DIAPH3: variants seen among roughly 807,000 people sequenced by gnomAD.
DIAPH3 encodes the protein protein diaphanous homolog 3.
In DIAPH3, 117 loss-of-function variants were observed where a neutral mutation model predicts 144.3. The ratio of observed to expected loss-of-function variants is 0.81; its 90% CI spans 0.70 to 0.95. The LOEUF (loss-of-function observed/expected upper bound fraction) is 0.95. Ranked by LOEUF, DIAPH3 falls within the 40% of genes least tolerant of loss-of-function variation. The pLI is 0.00. For synonymous variants in DIAPH3, 519 were observed against 488.9 expected (o/e 1.06, Z -0.81); for missense variants, 1,421 against 1,412.7 (o/e 1.01, Z -0.09).
At chr13:59,774,038 C>T (rs560749890) in intron 27 of DIAPH3, 151 bp downstream of exon 27, 124 of 732,710 alleles carry the variant, frequency 1.7e-4, no homozygotes, top group Middle Eastern at 1.5e-3. Context: ...AATACGAGTA[C>T]GCAATCTCAT....
chr13:59,901,100 C>A (rs1274716060), intron 20 of DIAPH3, among the ~76,000 whole-genome samples: 7 of 152,224 alleles, frequency 4.6e-5, no homozygotes, highest in African/African-American at 1.4e-4. Flanking sequence ...CAGTCACTGG[C>A]TTTAATTATA....
chr13:60,012,138 T>G (rs1377869733), intron 7 of DIAPH3, among the ~76,000 whole-genome samples: 1 of 152,174 alleles, frequency 6.6e-6, no homozygotes, highest in East Asian at 1.9e-4. Context: ...ATAACCAGCT[T>G]AGACCCAAGT....
chr13:60,120,299 A>G (rs142264045), intron 2 of DIAPH3, among the ~76,000 whole-genome samples: 217 of 152,292 alleles, frequency 1.4e-3, no homozygotes, highest in African/African-American at 5.0e-3. Context: ...CAACCATTCA[A>G]TCTTTCAGGT....
At chr13:59,762,052 CTTTTTTTTTTTTTTTT>C (rs35387511) in intron 27 of DIAPH3, among the ~76,000 whole-genome samples, 1 of 59,490 alleles carries the variant, frequency 1.7e-5, no homozygotes, top group Admixed American at 2.5e-4. Flanking sequence ...GCGTCAGCAT[CTTTTTTTTTTTTTTTT>C]TTTTTTTTTT....
intron 17 of DIAPH3, among the ~76,000 whole-genome samples, chr13:59,947,376 C>T (rs1268272750): frequency 1.3e-5 from 2 of 152,136 alleles, no homozygotes; most frequent in Non-Finnish European, 2.9e-5. Context: ...TGGTCCACCG[C>T]CTGATTCTCT....
intron 27 of DIAPH3, among the ~76,000 whole-genome samples, chr13:59,737,125 C>T (rs995690092): frequency 5.3e-5 from 8 of 152,066 alleles, no homozygotes; most frequent in African/African-American, 1.9e-4. Context: ...CCAAAAGCAA[C>T]TGCAACAAAA....
chr13:60,033,992 G>T (rs2055001840), intron 5 of DIAPH3, among the ~76,000 whole-genome samples: 1 of 152,074 alleles, frequency 6.6e-6, no homozygotes, highest in African/African-American at 2.4e-5. Flanking sequence ...GGAATACCAA[G>T]ATAAACATCA....
At chr13:59,963,769 G>C (rs557898494) in intron 17 of DIAPH3, among the ~76,000 whole-genome samples, 1 of 152,128 alleles carries the variant, frequency 6.6e-6, no homozygotes, top group Non-Finnish European at 1.5e-5. Context: ...CATTGCCCAG[G>C]CTGGTCATGA....
chr13:59,871,714 C>T (rs1342993176), intron 21 of DIAPH3, among the ~76,000 whole-genome samples: 2 of 152,166 alleles, frequency 1.3e-5, no homozygotes, highest in African/African-American at 4.8e-5. Flanking sequence ...ATAGAATTTA[C>T]TGGTGAAACC....
intron 9 of DIAPH3, among the ~76,000 whole-genome samples, 184 bp from the exon 10 acceptor site, chr13:59,992,767 T>A (rs2051915480): frequency 1.3e-5 from 2 of 151,718 alleles, no homozygotes; most frequent in African/African-American, 4.8e-5. Context: ...CGTTTTTTAT[T>A]TCTCATTTAT....
chr13:59,863,748 G>T (rs112707628), intron 21 of DIAPH3, among the ~76,000 whole-genome samples: 1 of 152,080 alleles, frequency 6.6e-6, no homozygotes, highest in Admixed American at 6.6e-5. Flanking sequence ...TTGGTACCTT[G>T]TTTAAAAGAA....
intron 1 of DIAPH3, among the ~76,000 whole-genome samples, chr13:60,138,956 T>C (rs2059365639): frequency 6.6e-6 from 1 of 152,242 alleles, no homozygotes; most frequent in Non-Finnish European, 1.5e-5. Context: ...GTCCAGATTA[T>C]TCCTTTCCAA....
chr13:59,972,931 T>C (rs1295359909), intron 15 of DIAPH3, among the ~76,000 whole-genome samples: 8 of 152,128 alleles, frequency 5.3e-5, no homozygotes. Flanking sequence ...CAGCATAGCT[T>C]TGAACAAAAA....
rs1168896157 is a variant in DIAPH3 at position 59,776,167 on chromosome 13, C to T, written c.3164-1344G>A. ...ACAGAGATAAGATGAAAAGTGAATG[C>T]AGTAGAATACAAATAACATACTCAT... is the stretch of plus-strand genomic sequence containing the variant. On this transcript the variant is annotated intron_variant, in intron 25 of 27. Coordinates refer to ENST00000400324, the MANE Select transcript of DIAPH3 (RefSeq NM_001042517.2). Among the ~76,000 whole-genome samples, 6 of 152,190 alleles carry T rather than the reference C, an allele frequency of 3.9e-5. No homozygotes were observed. The East Asian group carries it at 1.2e-3, about 29-fold the overall frequency.
intron 9 of DIAPH3, 95 bp from the exon 10 acceptor site, chr13:59,992,678 A>G: frequency 2.1e-6 from 2 of 959,924 alleles, no homozygotes; most frequent in Non-Finnish European, 3.2e-6. Flanking sequence ...GCATTATTAA[A>G]TATCTTTCCT....
At position 59,879,415 on chromosome 13, in the gene DIAPH3, A is replaced by C; in HGVS notation, c.2421T>G (p.Leu807=). The change falls in exon 21 of 28, where the codon CTT becomes CTG. Residue 807 remains leucine (L), a synonymous_variant. Coordinates refer to ENST00000400324, the MANE Select transcript of DIAPH3 (RefSeq NM_001042517.2). The part of the protein sequence containing the change: ...RPRLSAILFK[L]QFEEQVNNIK... ...TGTTGTTCACCTGCTCTTCAAACTG[A>C]AGCTTAAAGAGAATAGCACTGAGCC... 2 of 1,613,856 alleles carry C rather than the reference A, an allele frequency of 1.2e-6. No homozygotes were observed. The highest frequency in any genetic ancestry group is 8.5e-7 in the Non-Finnish European group (1 of 1,179,850).
chr13:60,037,584 G>A (rs955373270), intron 5 of DIAPH3, among the ~76,000 whole-genome samples: 3 of 151,730 alleles, frequency 2.0e-5, no homozygotes, highest in African/African-American at 7.3e-5. Flanking sequence ...AATAAAATAA[G>A]AAATTAAATA....
intron 9 of DIAPH3, among the ~76,000 whole-genome samples, chr13:59,996,646 C>T (rs2052208783): frequency 6.6e-6 from 1 of 151,786 alleles, no homozygotes; most frequent in Admixed American, 6.6e-5. Context: ...CAAAAGTCAG[C>T]AATACCATAA....
chr13:60,095,929 A>G (rs1455599699), intron 3 of DIAPH3, among the ~76,000 whole-genome samples: 1 of 152,136 alleles, frequency 6.6e-6, no homozygotes, highest in Non-Finnish European at 1.5e-5. Context: ...CAACTATATC[A>G]ATCTACCAAT....
Sources: allele counts gnomAD v4.1 joint callset (sites outside exome capture counted in the v4.1 genomes callset), GRCh38; gene constraint gnomAD v4.1.1; transcripts MANE v1.5; gene names NCBI Gene and HGNC (gene_info 2026-07-23, HGNC 2026-07-21).